Variants in SPATS1 observed in about 807,000 individuals in gnomAD.
SPATS1 encodes spermatogenesis-associated serine-rich protein 1.
A neutral mutation model predicts 33.6 loss-of-function variants in SPATS1; 23 were observed. The observed-to-expected ratio is 0.68, with a 90% CI of 0.49 to 0.97. The LOEUF (loss-of-function observed/expected upper bound fraction) is 0.97, where lower values mean the gene tolerates loss of function less well. Ranked by LOEUF, SPATS1 falls within the 50% of genes least tolerant of loss-of-function variation. The pLI is 0.00. For synonymous variants in SPATS1, 131 were observed against 125.6 expected, an observed-to-expected ratio of 1.04 and a Z score of -0.29; for missense variants, 327 against 361.0, an observed-to-expected ratio of 0.91 and a Z score of 0.76.
intron 2 of SPATS1, among the ~76,000 whole-genome samples, chr6:44,351,190 A>G (rs1235631558): frequency 6.6e-6 from 1 of 152,064 alleles, no homozygotes; most frequent in Admixed American, 6.6e-5. Flanking sequence ...AATAATACAA[A>G]TAAGTATATA....
At chr6:44,363,029 AT>A (rs939361867) in intron 5 of SPATS1, among the ~76,000 whole-genome samples, 1 of 151,766 alleles carries the variant, frequency 6.6e-6, no homozygotes, top group African/African-American at 2.4e-5. Flanking sequence ...GTAGAGACGG[AT>A]TTCTCCATGT....
intron 3 of SPATS1, among the ~76,000 whole-genome samples, chr6:44,357,668 C>T (rs997234442): frequency 3.9e-5 from 6 of 152,198 alleles, no homozygotes; most frequent in Non-Finnish European, 8.8e-5. Context: ...AGGCATGAGC[C>T]ACTGTGCCCA....
At chr6:44,355,859 C>T (rs771747769) in intron 3 of SPATS1, among the ~76,000 whole-genome samples, 40 of 152,158 alleles carry the variant, frequency 2.6e-4, no homozygotes, top group Admixed American at 2.2e-3. Flanking sequence ...GGAAAGAAAG[C>T]CCGGAATGTG....
intron 5 of SPATS1, among the ~76,000 whole-genome samples, chr6:44,363,626 TTC>T (rs1180674609): frequency 7.2e-6 from 1 of 139,556 alleles, no homozygotes; most frequent in Non-Finnish European, 1.5e-5. Flanking sequence ...TCCTTTCCTC[TTC>T]TTTTTCTTTC....
intron 2 of SPATS1, among the ~76,000 whole-genome samples, chr6:44,346,999 A>T (rs1220419909): frequency 3.9e-5 from 6 of 152,240 alleles, no homozygotes; most frequent in African/African-American, 1.4e-4. Flanking sequence ...GATAGACTGG[A>T]TAGAGAAAAC....
At chr6:44,366,767 C>T (rs1349111007) in intron 5 of SPATS1, among the ~76,000 whole-genome samples, 1 of 152,152 alleles carries the variant, frequency 6.6e-6, no homozygotes, top group Non-Finnish European at 1.5e-5. Flanking sequence ...GGGTATTAGT[C>T]CAGTTCTGAT....
intron 3 of SPATS1, among the ~76,000 whole-genome samples, chr6:44,359,854 G>GCCA (rs1234733542): frequency 1.3e-5 from 2 of 152,172 alleles, no homozygotes; most frequent in Non-Finnish European, 2.9e-5. Context: ...ACAGGCATAA[G>GCCA]CCACCATGCC....
chr6:44,349,288 CAAAAAA>C (rs35407623), intron 2 of SPATS1, among the ~76,000 whole-genome samples: 4 of 72,636 alleles, frequency 5.5e-5, no homozygotes, highest in Admixed American at 1.9e-4. Context: ...GACTCTGGCT[CAAAAAA>C]AAAAAAAAAA....
intron 3 of SPATS1, among the ~76,000 whole-genome samples, chr6:44,356,008 G>A (rs764479260): frequency 2.6e-5 from 4 of 152,138 alleles, no homozygotes; most frequent in Admixed American, 1.3e-4. Flanking sequence ...ATGTGTAGCC[G>A]AATCTAAAGC....
Position 44,349,288 on chromosome 6 carries a change from CAAAAAAAAAAAAAA to C in SPATS1, c.140-3427_140-3414del, listed in dbSNP as rs35407623. Among the ~76,000 whole-genome samples, 4 of 72,618 alleles carry C rather than the reference CAAAAAAAAAAAAAA, an allele frequency of 5.5e-5. No individual in the cohort carries two copies. The East Asian group carries it at 1.4e-3, about 25-fold the overall frequency. The allele number at this position is 72,618 out of a possible 152,430, so 47.6% of individuals were successfully genotyped here. On this transcript the variant is annotated intron_variant, in intron 2 of 8. Transcript: ENST00000674044. ...CACTCCAGCCTGGGCGACTCTGGCTCAAAAAAAAAAAAAAAAAAAAAAAAGAAAGAAATGCTGCA... is the reference window on the plus strand; with the variant it reads ...CACTCCAGCCTGGGCGACTCTGGCTCAAAAAAAAAAGAAAGAAATGCTGCA...
chr6:44,369,050 C>A (rs1023843665), intron 6 of SPATS1, among the ~76,000 whole-genome samples: 8 of 151,946 alleles, frequency 5.3e-5, no homozygotes, highest in Non-Finnish European at 1.0e-4. Context: ...GTGCCCGCCA[C>A]CACACCTGGG....
At chr6:44,356,132 A>C (rs991938222) in intron 3 of SPATS1, among the ~76,000 whole-genome samples, 1 of 152,048 alleles carries the variant, frequency 6.6e-6, no homozygotes, top group Non-Finnish European at 1.5e-5. Flanking sequence ...TGAACTTCTC[A>C]TCACCCATCC....
chr6:44,368,276 A>G, intron 5 of SPATS1, 103 bp from the exon 6 acceptor site: 2 of 1,158,374 alleles, frequency 1.7e-6, no homozygotes, highest in South Asian at 4.0e-5. Flanking sequence ...ATTTATAATA[A>G]AATACTAAAA....
In SPATS1 at chr6:44,351,728, C is replaced by G. The variant is rs527339776; in HGVS notation, c.140-998C>G. ...TCTATGTCTGACACTCACTGGTTTT[C>G]AGGACTCCCTTACTTGTAACTGTGG... On this transcript the variant is annotated intron_variant, in intron 2 of 8. Coordinates refer to ENST00000674044, the MANE Select transcript of SPATS1 (RefSeq NM_001372081.1). Among the ~76,000 whole-genome samples, 13 of 152,266 alleles carry G rather than the reference C, an allele frequency of 8.5e-5. No homozygotes were observed. In the South Asian group the frequency reaches 2.7e-3, roughly 32 times the overall value.
chr6:44,342,818 G>C, intron 1 of SPATS1, 50 bp downstream of exon 1: 1 of 937,972 alleles, frequency 1.1e-6, no homozygotes. Context: ...GGGGAAGGGG[G>C]TGGGAAGACC....
intron 2 of SPATS1, among the ~76,000 whole-genome samples, chr6:44,349,721 G>GA (rs1788123151): frequency 6.6e-6 from 1 of 152,140 alleles, no homozygotes; most frequent in African/African-American, 2.4e-5. Context: ...TGCTTTAGTT[G>GA]AATCCCACAA....
chr6:44,343,274 A>G lies in SPATS1; in HGVS notation c.139+40A>G, dbSNP rs370149642. 4 of 1,601,268 alleles carry G rather than the reference A, an allele frequency of 2.5e-6. No individual in the cohort carries two copies. In the African/African-American group the frequency reaches 4.0e-5, roughly 16 times the overall value. ...AATCCAGGCTGTGGAGTTGGTGGCC[A>G]CATCCAAGTATACTACACCCGGGGG... On this transcript the variant is annotated intron_variant, in intron 2 of 8. Coordinates refer to ENST00000674044, the MANE Select transcript of SPATS1 (RefSeq NM_001372081.1).
At chr6:44,373,797 A>G (rs914351848) in intron 7 of SPATS1, among the ~76,000 whole-genome samples, 1 of 152,244 alleles carries the variant, frequency 6.6e-6, no homozygotes, top group East Asian at 1.9e-4. Context: ...GTACGTTTAC[A>G]GGGATTATTT....
chr6:44,355,932 C>T (rs994321671), intron 3 of SPATS1, among the ~76,000 whole-genome samples: 1 of 152,196 alleles, frequency 6.6e-6, no homozygotes, highest in African/African-American at 2.4e-5. Flanking sequence ...TCCTAATTCC[C>T]ACCTAAATAA....
Sources: gnomAD v4.1 joint callset for allele counts (sites outside exome capture counted in the v4.1 genomes callset) on GRCh38, gnomAD v4.1.1 for gene constraint, MANE v1.5 for transcripts, NCBI Gene and HGNC (gene_info 2026-07-23, HGNC 2026-07-21) for gene names.